The following ZFAND3 variants were observed in gnomAD, a reference collection of about 807,000 sequenced individuals.
The protein encoded by ZFAND3 is AN1-type zinc finger protein 3.
In ZFAND3, 10 loss-of-function variants were observed where a neutral mutation model predicts 29.6. The ratio of observed to expected loss-of-function variants is 0.34; its 90% CI spans 0.21 to 0.57. The LOEUF (loss-of-function observed/expected upper bound fraction) is 0.57, where lower values mean the gene tolerates loss of function less well. ZFAND3 is among the 20% of genes least tolerant of loss of function. ZFAND3 has a pLI of 0.86. For missense variants in ZFAND3, 230 were observed against 304.5 expected, an observed-to-expected ratio of 0.76 and a Z score of 1.82; for synonymous variants, 128 against 112.6, an observed-to-expected ratio of 1.14 and a Z score of -0.87.
intron 1 of ZFAND3, among the ~76,000 whole-genome samples, chr6:37,913,301 GCTTT>G (rs533736543): frequency 5.3e-5 from 8 of 152,166 alleles, no homozygotes; most frequent in Non-Finnish European, 1.2e-4. Flanking sequence ...CCCTGCTGCT[GCTTT>G]ATCAGCTGAG....
At chr6:38,006,902 AG>A (rs1763060377) in intron 2 of ZFAND3, among the ~76,000 whole-genome samples, 1 of 152,152 alleles carries the variant, frequency 6.6e-6, no homozygotes, top group Non-Finnish European at 1.5e-5. Flanking sequence ...ATTAATAAAA[AG>A]GGCCACAAGT....
chr6:38,057,509 C>T (rs980960169), intron 2 of ZFAND3, among the ~76,000 whole-genome samples: 4 of 152,152 alleles, frequency 2.6e-5, no homozygotes, highest in Admixed American at 1.3e-4. Context: ...TACTCATGTG[C>T]TAGGTTCTTC....
At chr6:38,062,256 C>T (rs1764256079) in intron 3 of ZFAND3, among the ~76,000 whole-genome samples, 1 of 152,060 alleles carries the variant, frequency 6.6e-6, no homozygotes, top group Non-Finnish European at 1.5e-5. Flanking sequence ...TGTTTCTAAG[C>T]ATTTAACTGA....
intron 2 of ZFAND3, among the ~76,000 whole-genome samples, chr6:38,006,749 T>C (rs1044393654): frequency 4.6e-5 from 7 of 150,976 alleles, no homozygotes; most frequent in African/African-American, 1.5e-4. Flanking sequence ...ACAGGATGTC[T>C]AAGTTCCAAG....
intron 4 of ZFAND3, among the ~76,000 whole-genome samples, chr6:38,110,486 A>C (rs765736309): frequency 2.0e-5 from 3 of 152,048 alleles, no homozygotes; most frequent in Non-Finnish European, 4.4e-5. Flanking sequence ...TTCCAGTGAG[A>C]GTGTGGTATT....
intron 2 of ZFAND3, among the ~76,000 whole-genome samples, chr6:37,935,755 T>A (rs1339962026): frequency 6.6e-6 from 1 of 152,188 alleles, no homozygotes; most frequent in Non-Finnish European, 1.5e-5. Context: ...AATCTTGGAA[T>A]CTAATTTGCT....
intron 1 of ZFAND3, among the ~76,000 whole-genome samples, chr6:37,856,319 CT>C (rs1764382360): frequency 6.6e-6 from 1 of 152,152 alleles, no homozygotes; most frequent in Non-Finnish European, 1.5e-5. Flanking sequence ...TCTAGTCTTA[CT>C]TCTGTCAGGC....
intron 1 of ZFAND3, among the ~76,000 whole-genome samples, chr6:37,862,130 T>A (rs554886341): frequency 1.3e-5 from 2 of 152,284 alleles, no homozygotes; most frequent in African/African-American, 4.8e-5. Flanking sequence ...ATGTTTACTT[T>A]TTATTGAATT....
At chr6:37,936,323 T>G (rs1761696740) in intron 2 of ZFAND3, among the ~76,000 whole-genome samples, 2 of 152,198 alleles carry the variant, frequency 1.3e-5, no homozygotes, top group Admixed American at 1.3e-4. Context: ...AGGAGTATGG[T>G]GACTAGAAAG....
chr6:37,868,422 G>A (rs751654868), intron 1 of ZFAND3, among the ~76,000 whole-genome samples: 2 of 152,188 alleles, frequency 1.3e-5, no homozygotes, highest in Non-Finnish European at 2.9e-5. Context: ...GAGGGAGGGA[G>A]GGGAGTGGTA....
intron 1 of ZFAND3, among the ~76,000 whole-genome samples, chr6:37,837,631 A>G (rs948037507): frequency 6.6e-6 from 1 of 151,692 alleles, no homozygotes; most frequent in Admixed American, 6.6e-5. Flanking sequence ...CAGCCTCCCG[A>G]GCAGCTGGGA....
intron 1 of ZFAND3, among the ~76,000 whole-genome samples, chr6:37,926,534 G>T (rs1173459970): frequency 6.6e-6 from 1 of 152,164 alleles, no homozygotes; most frequent in African/African-American, 2.4e-5. Flanking sequence ...TCTCTCTTGT[G>T]ATGTCATTTA....
At chr6:37,861,647 T>C (rs984308237) in intron 1 of ZFAND3, among the ~76,000 whole-genome samples, 6 of 152,216 alleles carry the variant, frequency 3.9e-5, no homozygotes, top group Non-Finnish European at 5.9e-5. Context: ...GAAAGAATTA[T>C]GAAACTTCTA....
At chr6:37,968,539 G>A (rs974706332) in intron 2 of ZFAND3, among the ~76,000 whole-genome samples, 1 of 151,976 alleles carries the variant, frequency 6.6e-6, no homozygotes, top group Admixed American at 6.6e-5. Context: ...AAGCAGTAAG[G>A]ATGGCTAGCA....
At chr6:38,135,697 A>G (rs1487236614) in intron 5 of ZFAND3, among the ~76,000 whole-genome samples, 1 of 152,180 alleles carries the variant, frequency 6.6e-6, no homozygotes, top group Admixed American at 6.5e-5. Flanking sequence ...GTGAGCCGAG[A>G]TCGCGCCACT....
rs576705179 is a variant in ZFAND3, at chr6:38,047,415, G to A, written c.113-14178G>A. Among the ~76,000 whole-genome samples, 7 of 152,052 alleles carry A rather than the reference G, an allele frequency of 4.6e-5. No individual in the cohort carries two copies. In the South Asian group the frequency reaches 1.2e-3, roughly 27 times the overall value. ...GATCTGTGATGCTTTGCAGAATATAGTATCTTTATTCCTTTATCTGAGAGG... is the reference window on the plus strand; with the variant it reads ...GATCTGTGATGCTTTGCAGAATATAATATCTTTATTCCTTTATCTGAGAGG... On this transcript the variant is annotated intron_variant, in intron 2 of 5. Coordinates refer to ENST00000287218, the MANE Select transcript of ZFAND3 (RefSeq NM_021943.3).
intron 2 of ZFAND3, among the ~76,000 whole-genome samples, chr6:38,042,232 G>A (rs574711451): frequency 3.4e-4 from 51 of 151,882 alleles, no homozygotes; most frequent in Admixed American, 6.6e-5. Context: ...ACAATGCATG[G>A]ACTAAGTAAA....
Position 37,945,118 on chromosome 6 carries a change from A to G in ZFAND3, c.112+15119A>G, listed in dbSNP as rs983674871. Among the ~76,000 whole-genome samples the G allele has an allele frequency of 7.2e-5, 11 of 152,348 alleles. 1 individual carries two copies. Among genetic ancestry groups the G allele is most frequent in the Admixed American group, 3.3e-4 (5 of 15,310 alleles). Reference sequence around the variant, plus strand: ...TATAATGAGGTCCTAGGTGAAACCTAGGTCAAATCCAGTGCCATGTTGGGT... The same window carrying G: ...TATAATGAGGTCCTAGGTGAAACCTGGGTCAAATCCAGTGCCATGTTGGGT... On this transcript the variant is annotated intron_variant, in intron 2 of 5. Coordinates refer to ENST00000287218, the MANE Select transcript of ZFAND3 (RefSeq NM_021943.3).
intron 1 of ZFAND3, among the ~76,000 whole-genome samples, chr6:37,929,104 GAATT>G (rs569551906): frequency 6.6e-6 from 1 of 152,134 alleles, no homozygotes; most frequent in Non-Finnish European, 1.5e-5. Context: ...AAGCATGTGG[GAATT>G]ATTTATATCC....
Sources: gnomAD v4.1 joint callset for allele counts (sites outside exome capture counted in the v4.1 genomes callset) on GRCh38, gnomAD v4.1.1 for gene constraint, MANE v1.5 for transcripts, NCBI Gene and HGNC (gene_info 2026-07-23, HGNC 2026-07-21) for gene names.